MAP3K15: variants seen among roughly 807,000 people sequenced by gnomAD.
MAP3K15 encodes mitogen-activated protein kinase kinase kinase 15.
MAP3K15 carries 124 observed loss-of-function variants against 99.5 expected under a neutral mutation model. The ratio of observed to expected loss-of-function variants is 1.25; its 90% confidence interval spans 1.08 to 1.45. MAP3K15 has a LOEUF of 1.45. Ranked by LOEUF, MAP3K15 falls within the 40% of genes most tolerant of loss-of-function variation. MAP3K15 has a pLI of 0.00. For missense variants in MAP3K15, 1,242 were observed against 1,079.7 expected (o/e 1.15, Z -2.11); for synonymous variants, 494 against 439.6 (o/e 1.12, Z -1.55).
At chrX:19,368,305 G>A (rs1423159686) in intron 25 of MAP3K15, among the ~76,000 whole-genome samples, 1 of 111,144 alleles carries the variant, frequency 9.0e-6, no homozygotes, top group African/African-American at 3.3e-5. Flanking sequence ...ACCATACCTG[G>A]CTAATTTTGT....
intron 16 of MAP3K15, among the ~76,000 whole-genome samples, chrX:19,393,165 T>C (rs1602267137): frequency 8.9e-6 from 1 of 111,773 alleles, no homozygotes; most frequent in Non-Finnish European, 1.9e-5. Context: ...GTCCTGTCCA[T>C]TGGCAGGAAC....
chrX:19,391,280 G>A (rs1024929039), intron 18 of MAP3K15, among the ~76,000 whole-genome samples: 1 of 111,937 alleles, frequency 8.9e-6, no homozygotes, highest in Non-Finnish European at 1.9e-5. Flanking sequence ...GTTGTCTGAG[G>A]AATACTGTTA....
chrX:19,495,739 CT>C (rs1426376460), intron 1 of MAP3K15, among the ~76,000 whole-genome samples: 1 of 111,775 alleles, frequency 8.9e-6, no homozygotes, highest in African/African-American at 3.2e-5. Context: ...GCCACTTCAT[CT>C]TTTGCAAATA....
At chrX:19,438,702 A>G (rs987018472) in intron 6 of MAP3K15, among the ~76,000 whole-genome samples, 1 of 111,918 alleles carries the variant, frequency 8.9e-6, no homozygotes, top group African/African-American at 3.2e-5. Context: ...GACAAATAGA[A>G]TCCCAATAAA....
chrX:19,427,235 C>T (rs1026601213), intron 7 of MAP3K15, among the ~76,000 whole-genome samples: 1 of 110,829 alleles, frequency 9.0e-6, no homozygotes, highest in Non-Finnish European at 1.9e-5. Context: ...CCTTGAACCC[C>T]TGGGCTCAAG....
At chrX:19,396,534 C>G (rs747292608) in intron 15 of MAP3K15, among the ~76,000 whole-genome samples, 6 of 112,365 alleles carry the variant, frequency 5.3e-5, no homozygotes, top group Non-Finnish European at 1.1e-4. Flanking sequence ...TAATCTTCCT[C>G]AGTCTTGATT....
At chrX:19,437,468 T>C (rs998275174) in intron 6 of MAP3K15, among the ~76,000 whole-genome samples, 2 of 111,710 alleles carry the variant, frequency 1.8e-5, no homozygotes, top group African/African-American at 6.5e-5. Flanking sequence ...ACAAGCTTCC[T>C]TGCTGTTCCA....
intron 6 of MAP3K15, among the ~76,000 whole-genome samples, chrX:19,445,962 A>C (rs190921025): frequency 0.03 from 3,274 of 107,593 alleles, 134 homozygotes; most frequent in African/African-American, 0.1. Context: ...ATCAATAAAT[A>C]AATAAATAAA....
intron 1 of MAP3K15, among the ~76,000 whole-genome samples, chrX:19,507,575 CAAAAAAAAAAAAAAAAAAAAA>C (rs1165492097): frequency 4.5e-3 from 49 of 10,894 alleles, no homozygotes; most frequent in African/African-American, 0.014. Context: ...CACCTTGTCT[CAAAAAAAAAAAAAAAAAAAAA>C]AAAAAAAAAA....
chrX:19,374,933 G>A (rs1055156443), intron 19 of MAP3K15, among the ~76,000 whole-genome samples: 12 of 111,242 alleles, frequency 1.1e-4, no homozygotes, highest in Admixed American at 3.8e-4. Context: ...TTGTGGCTCC[G>A]CTAGTCACCC....
intron 13 of MAP3K15, among the ~76,000 whole-genome samples, chrX:19,402,000 G>A (rs984958917): frequency 2.7e-5 from 3 of 111,968 alleles, no homozygotes; most frequent in African/African-American, 6.5e-5. Context: ...TTTAAAAGAC[G>A]GTATCAGCCA....
At chrX:19,366,634 T>C (rs945602653) in intron 25 of MAP3K15, among the ~76,000 whole-genome samples, 11 of 112,108 alleles carry the variant, frequency 9.8e-5, no homozygotes, top group Non-Finnish European at 1.5e-4. Context: ...TCTGCTGCCA[T>C]GTAAGACGTG....
intron 1 of MAP3K15, among the ~76,000 whole-genome samples, chrX:19,492,504 T>A (rs1232181970): frequency 9.0e-6 from 1 of 111,410 alleles, no homozygotes; most frequent in Non-Finnish European, 1.9e-5. Flanking sequence ...TGCACGTCTA[T>A]ACTGAGGAAA....
chrX:19,448,562 C>A (rs1392417442), intron 6 of MAP3K15, among the ~76,000 whole-genome samples: 2 of 107,597 alleles, frequency 1.9e-5, no homozygotes, highest in South Asian at 4.1e-4. Context: ...AAGGTCCCCC[C>A]CTGTCCCCGA....
At chrX:19,380,385 C>T in intron 18 of MAP3K15, 108 bp from the exon 19 acceptor site, 1 of 872,476 alleles carries the variant, frequency 1.1e-6, no homozygotes, top group Non-Finnish European at 1.6e-6. Context: ...CACCTGAGCC[C>T]AGGTGTTGGA....
chrX:19,382,588 A>G (rs906620068), intron 18 of MAP3K15, among the ~76,000 whole-genome samples: 1 of 112,432 alleles, frequency 8.9e-6, no homozygotes, highest in African/African-American at 3.2e-5. Flanking sequence ...AGTGAGCACA[A>G]CAGATCGATG....
chrX:19,380,365 G>C (rs1480712592), intron 18 of MAP3K15, 88 bp from the exon 19 acceptor site: 61 of 1,007,097 alleles, frequency 6.1e-5, no homozygotes, highest in Non-Finnish European at 8.0e-5. Context: ...GGAGGCTGAG[G>C]CAGGAGGATC....
chrX:19,393,429 A>C (rs575491276), intron 16 of MAP3K15, among the ~76,000 whole-genome samples: 2 of 111,923 alleles, frequency 1.8e-5, no homozygotes, highest in African/African-American at 6.5e-5. Context: ...TCAGGAGTTC[A>C]AGACCAGCCT....
At chrX:19,441,366 C>A (rs2063958650) in intron 6 of MAP3K15, among the ~76,000 whole-genome samples, 1 of 106,885 alleles carries the variant, frequency 9.4e-6, no homozygotes. Context: ...TGGGTATGGG[C>A]TTTTGGTGGC....
Sources: gnomAD v4.1 joint callset for allele counts (sites outside exome capture counted in the v4.1 genomes callset) on GRCh38, gnomAD v4.1.1 for gene constraint, MANE v1.5 for transcripts, NCBI Gene and HGNC (gene_info 2026-07-23, HGNC 2026-07-21) for gene names.